The following FHAD1 variants were observed in gnomAD, a reference collection of about 807,000 sequenced individuals.
FHAD1 encodes the protein forkhead-associated domain-containing protein 1.
In FHAD1, 146 loss-of-function variants were observed where a neutral mutation model predicts 191.3. That is an observed-to-expected ratio of 0.76 (90% CI 0.67 to 0.88). The LOEUF (loss-of-function observed/expected upper bound fraction) is 0.88. Among genes scored for constraint, FHAD1 ranks in the 40% least tolerant of loss-of-function variants. FHAD1 has a pLI of 0.00. For synonymous variants in FHAD1, 616 were observed against 672.3 expected, an observed-to-expected ratio of 0.92 and a Z score of 1.29; for missense variants, 1,635 against 1,785.8, an observed-to-expected ratio of 0.92 and a Z score of 1.52.
intron 3 of FHAD1, chr1:15,287,178 G>A (rs1181760367): frequency 6.6e-6 from 1 of 152,318 alleles, no homozygotes; most frequent in Non-Finnish European, 1.5e-5. Flanking sequence ...AGGCTGAGAT[G>A]TTGACAGTGG....
In FHAD1 at chr1:15,272,496, G is replaced by C. The variant is rs1297971434; in HGVS notation, c.267G>C (p.Leu89=). The change falls in exon 3 of 34, where the codon CTG becomes CTC. Residue 89 remains leucine (L), a synonymous_variant. Coordinates refer to ENST00000688493, the MANE Select transcript of FHAD1 (RefSeq NM_001391957.1). ...TCCTGAGATTTGGGTCTGCAGGGCT[G>C]ACCTATGAACTGGTCATTGAAAATC... is the stretch of plus-strand genomic sequence containing the variant. ...GDILRFGSAG[L]TYELVIENPP... 4.5e-6 allele frequency: 7 copies of C among 1,550,194 alleles called. No homozygotes were observed. Among genetic ancestry groups the C allele is most frequent in the Non-Finnish European group, 6.1e-6 (7 of 1,146,964 alleles).
chr1:15,378,147 T>A (rs1291405809), intron 28 of FHAD1, among the ~76,000 whole-genome samples: 1 of 152,124 alleles, frequency 6.6e-6, no homozygotes, highest in Non-Finnish European at 1.5e-5. Context: ...CTGCTAAAAA[T>A]ACAAAACTTA....
chr1:15,290,329 A>G (rs770537840), intron 4 of FHAD1, among the ~76,000 whole-genome samples: 2 of 152,130 alleles, frequency 1.3e-5, no homozygotes, highest in African/African-American at 2.4e-5. Context: ...TGGCCTCAGC[A>G]GCCTCACCAG....
At position 15,311,282 on chromosome 1, in the gene FHAD1, G is replaced by C. The variant is rs143328382; in HGVS notation, c.1040-1775G>C. Among the ~76,000 whole-genome samples, 1 of 152,158 alleles carries C rather than the reference G, an allele frequency of 6.6e-6. No homozygotes were observed. Among genetic ancestry groups the C allele is most frequent in the Non-Finnish European group, 1.5e-5 (1 of 68,010 alleles). Reference sequence around the variant, plus strand: ...GCACCCCGGAGATCTCAGAGGGTCCGCCTCAAGTCTTCAGCAGAGTCAGGT... The same window carrying C: ...GCACCCCGGAGATCTCAGAGGGTCCCCCTCAAGTCTTCAGCAGAGTCAGGT... On this transcript the variant is annotated intron_variant, in intron 7 of 33. Transcript: ENST00000688493. This position sits in a 1 kb window ranked among gnomAD's most constrained non-coding sequence, Gnocchi z 4.1.
chr1:15,288,708 A>T (rs1663378438), intron 3 of FHAD1, among the ~76,000 whole-genome samples: 1 of 152,236 alleles, frequency 6.6e-6, no homozygotes, highest in Admixed American at 6.5e-5. Context: ...AATCCCTTAG[A>T]GGGGACATTC....
intron 8 of FHAD1, chr1:15,314,526 C>T (rs1673370832): frequency 6.6e-6 from 1 of 152,174 alleles, no homozygotes; most frequent in African/African-American, 2.4e-5. Flanking sequence ...GGTTAGCCCG[C>T]CTCGCCCAGC....
chr1:15,372,625 C>A (rs1202345249), intron 26 of FHAD1, among the ~76,000 whole-genome samples: 2 of 152,220 alleles, frequency 1.3e-5, no homozygotes, highest in Non-Finnish European at 1.5e-5. Context: ...GGATAGGCAA[C>A]TTCTAAAATA....
rs1674540810 is a variant in FHAD1, at chr1:15,316,598, C to A, written c.1260+131C>A. On this transcript the variant is annotated intron_variant, in intron 9 of 33. Coordinates refer to ENST00000688493, the MANE Select transcript of FHAD1 (RefSeq NM_001391957.1). The surrounding 1 kb of genome is among the most constrained non-coding windows in gnomAD (Gnocchi z 4.3). ...TCTGTGCTTGCTTGTTTAACATAGT[C>A]TCATTGCTCTTTGATCTGCTGCTTC... is the stretch of plus-strand genomic sequence containing the variant. 9.1e-6 allele frequency: 7 copies of A among 766,912 alleles called. No homozygotes were observed. The highest frequency in any genetic ancestry group is 1.5e-5 in the Non-Finnish European group (7 of 473,178). The allele number at this position is 766,912 out of a possible 1,614,324, so 47.5% of individuals were successfully genotyped here. A position where few individuals can be genotyped will look rare whatever the true frequency, so the allele number is the denominator to read the frequency against.
intron 33 of FHAD1, among the ~76,000 whole-genome samples, chr1:15,394,057 C>A (rs945686228): frequency 6.6e-6 from 1 of 152,150 alleles, no homozygotes; most frequent in African/African-American, 2.4e-5. Context: ...ATTTAAATGA[C>A]CGGCTTCTAC....
intron 32 of FHAD1, among the ~76,000 whole-genome samples, chr1:15,389,530 G>T (rs1703341137): frequency 6.7e-6 from 1 of 148,554 alleles, no homozygotes; most frequent in African/African-American, 2.5e-5. Context: ...TACCTGAAAT[G>T]ATGGCTCTCT....
intron 10 of FHAD1, among the ~76,000 whole-genome samples, chr1:15,322,005 A>G (rs1415512257): frequency 1.3e-5 from 2 of 152,264 alleles, no homozygotes; most frequent in South Asian, 2.1e-4. Context: ...GAAGTAACCT[A>G]TAACCTAACT....
chr1:15,333,077 A>G (rs1032303210), intron 14 of FHAD1, among the ~76,000 whole-genome samples: 1 of 152,216 alleles, frequency 6.6e-6, no homozygotes, highest in African/African-American at 2.4e-5. Context: ...GTTGGTTCTA[A>G]GAACTCAGGA....
intron 2 of FHAD1, among the ~76,000 whole-genome samples, chr1:15,264,408 TG>T (rs1652507828): frequency 6.6e-6 from 1 of 152,206 alleles, no homozygotes. Flanking sequence ...GTAAATGGAA[TG>T]GCTTTCTTAT....
rs148232755 is a variant in FHAD1, at chr1:15,308,585, C to A, written c.916-28C>A. On this transcript the variant is annotated intron_variant, in intron 6 of 33. Coordinates refer to ENST00000688493, the MANE Select transcript of FHAD1 (RefSeq NM_001391957.1). The stretch of plus-strand genomic sequence containing the variant: ...TGTCTCCCAGACGTGGGCCAGCCCC[C>A]CTCTGACTGTGCCACCTCCTCCCAC... 8.9e-5 allele frequency: 138 copies of A among 1,551,236 alleles called. 1 individual carries two copies. The East Asian group carries it at 2.8e-3, about 32-fold the overall frequency.
At chr1:15,371,239 G>A (rs1230290672) in intron 26 of FHAD1, among the ~76,000 whole-genome samples, 2 of 152,188 alleles carry the variant, frequency 1.3e-5, no homozygotes, top group East Asian at 1.9e-4. Flanking sequence ...AGGAGAAGAC[G>A]CACAGGGTCC....
At chr1:15,376,977 G>A (rs1053722289) in intron 28 of FHAD1, among the ~76,000 whole-genome samples, 2 of 152,140 alleles carry the variant, frequency 1.3e-5, no homozygotes, top group African/African-American at 4.8e-5. Flanking sequence ...GGAGTTTGAG[G>A]CTACAGTGAG....
chr1:15,338,198 A>C, intron 14 of FHAD1, among the ~76,000 whole-genome samples: 1 of 152,222 alleles, frequency 6.6e-6, no homozygotes, highest in East Asian at 1.9e-4. Flanking sequence ...AATGACCACA[A>C]GAGACTGGCT....
intron 20 of FHAD1, chr1:15,357,807 C>A: frequency 4.2e-6 from 1 of 236,890 alleles, no homozygotes; most frequent in Non-Finnish European, 8.0e-6. Context: ...GACATGACAG[C>A]CCTCCTCAAA....
intron 6 of FHAD1, among the ~76,000 whole-genome samples, chr1:15,304,169 A>C (rs1197045439): frequency 6.6e-6 from 1 of 152,238 alleles, no homozygotes; most frequent in African/African-American, 2.4e-5. Flanking sequence ...GATCTGATAC[A>C]ATACCCCAAG....
Sources: gnomAD v4.1 joint callset for allele counts (sites outside exome capture counted in the v4.1 genomes callset) on GRCh38, gnomAD v4.1.1 for gene constraint, Gnocchi (gnomAD v3.1) non-coding constraint, MANE v1.5 for transcripts, NCBI Gene and HGNC (gene_info 2026-07-23, HGNC 2026-07-21) for gene names.